ITGBL1: variants seen among roughly 807,000 people sequenced by gnomAD.
The protein encoded by ITGBL1 is integrin subunit beta like 1, also known as integrin beta-like protein 1.
A neutral mutation model predicts 68.5 loss-of-function variants in ITGBL1; 51 were observed. The observed-to-expected ratio is 0.74, with a 90% CI of 0.59 to 0.94. The LOEUF is 0.94. Ranked by LOEUF, ITGBL1 falls within the 40% of genes least tolerant of loss-of-function variation. ITGBL1 has a pLI of 0.00. For missense variants in ITGBL1, 649 were observed against 647.4 expected (o/e 1.00, Z -0.03); for synonymous variants, 209 against 227.3 (o/e 0.92, Z 0.72).
intron 8 of ITGBL1, among the ~76,000 whole-genome samples, chr13:101,694,263 G>A (rs1716159208): frequency 4.6e-5 from 7 of 151,968 alleles, no homozygotes; most frequent in Admixed American, 4.6e-4. Flanking sequence ...TACTCTTTTT[G>A]TTTGTTAAGG....
intron 2 of ITGBL1, among the ~76,000 whole-genome samples, chr13:101,516,130 T>C (rs1323458952): frequency 6.6e-6 from 1 of 152,136 alleles, no homozygotes; most frequent in South Asian, 2.1e-4. Flanking sequence ...AGAATAAAAA[T>C]GAGCTAATTT....
intron 4 of ITGBL1, among the ~76,000 whole-genome samples, chr13:101,576,021 C>T (rs1449439194): frequency 6.6e-6 from 1 of 152,154 alleles, no homozygotes; most frequent in South Asian, 2.1e-4. Context: ...TTTTCAATGA[C>T]CTTTTCTGTG....
chr13:101,568,013 T>A (rs953905124), intron 3 of ITGBL1, among the ~76,000 whole-genome samples, 168 bp downstream of exon 3: 3 of 151,922 alleles, frequency 2.0e-5, no homozygotes, highest in African/African-American at 7.3e-5. Flanking sequence ...GCCATCTTGC[T>A]GAGACTGGCA....
chr13:101,460,511 T>C (rs959664817), intron 2 of ITGBL1, among the ~76,000 whole-genome samples: 44 of 152,256 alleles, frequency 2.9e-4, no homozygotes, highest in Admixed American at 2.9e-3. Flanking sequence ...AATGTTTTCT[T>C]TCTGAAAGCA....
intron 7 of ITGBL1, among the ~76,000 whole-genome samples, chr13:101,673,980 A>G (rs1187853178): frequency 6.6e-6 from 1 of 152,210 alleles, no homozygotes; most frequent in Non-Finnish European, 1.5e-5. Context: ...TTAGTCAGCA[A>G]TGGTTTTAGA....
intron 7 of ITGBL1, among the ~76,000 whole-genome samples, chr13:101,649,567 A>G (rs148054689): frequency 5.6e-4 from 86 of 152,282 alleles, no homozygotes; most frequent in African/African-American, 1.4e-3. Context: ...ATGGAAATCT[A>G]TACTTGTTTA....
At chr13:101,505,147 A>G (rs1316488638) in intron 2 of ITGBL1, among the ~76,000 whole-genome samples, 1 of 152,220 alleles carries the variant, frequency 6.6e-6, no homozygotes, top group Non-Finnish European at 1.5e-5. Flanking sequence ...GTGCATTCAC[A>G]CAATGAAAAT....
intron 2 of ITGBL1, chr13:101,489,809 T>C (rs1352277091): frequency 1.7e-6 from 1 of 572,198 alleles, no homozygotes; most frequent in Non-Finnish European, 3.1e-6. Context: ...CAGAGGATGC[T>C]GCGATACTGA....
chr13:101,653,729 G>T (rs912218118), intron 7 of ITGBL1, among the ~76,000 whole-genome samples: 1 of 151,614 alleles, frequency 6.6e-6, no homozygotes, highest in South Asian at 2.1e-4. Context: ...TCACTCTGTC[G>T]CCAGGCTGGA....
chr13:101,578,706 G>T (rs1234731104), intron 4 of ITGBL1, among the ~76,000 whole-genome samples: 1 of 152,186 alleles, frequency 6.6e-6, no homozygotes, highest in Non-Finnish European at 1.5e-5. Flanking sequence ...GTGGCCAAGG[G>T]CCCATGGTAT....
In ITGBL1 at chr13:101,597,390, G is replaced by A. The variant is rs112334349; in HGVS notation, c.869-763G>A. Among the ~76,000 whole-genome samples, 1,298 of 133,670 alleles carry A rather than the reference G, an allele frequency of 9.7e-3. 20 individuals carry two copies. Among genetic ancestry groups the A allele is most frequent in the African/African-American group, 0.033 (1,182 of 35,600 alleles). The allele number at this position is 133,670 out of a possible 152,430, so 87.7% of individuals were successfully genotyped here. A position where few individuals can be genotyped will look rare whatever the true frequency, so the allele number is the denominator to read the frequency against. On this transcript the variant is annotated intron_variant, in intron 6 of 10. Transcript: ENST00000376180. The stretch of plus-strand genomic sequence containing the variant: ...TTGCATTAATTACTGAGAAAGGAGC[G>A]TTTATATATTAAAAAGTAGTCTAAA...
At chr13:101,483,488 G>T (rs2048656522) in intron 2 of ITGBL1, among the ~76,000 whole-genome samples, 1 of 152,168 alleles carries the variant, frequency 6.6e-6, no homozygotes, top group African/African-American at 2.4e-5. Flanking sequence ...GAAAAATTCA[G>T]AGATGCTCTA....
chr13:101,632,948 A>G (rs1188869779), intron 7 of ITGBL1, among the ~76,000 whole-genome samples: 1 of 152,190 alleles, frequency 6.6e-6, no homozygotes, highest in African/African-American at 2.4e-5. Context: ...CTTAATGTGC[A>G]TGGGGATCCG....
chr13:101,575,470 T>A lies in ITGBL1; in HGVS notation c.510T>A (p.Ser170Arg), dbSNP rs1199407794. The change falls in exon 4 of 11, where the codon AGT becomes AGA. Residue 170 changes from serine (S) to arginine (R), a missense_variant. Ser to Arg is a moderately radical substitution (Grantham distance 110, BLOSUM62 -1). Coordinates refer to ENST00000376180, the MANE Select transcript of ITGBL1 (RefSeq NM_004791.3). ...GTAAGTGTGATAATTCAGATGGAAG[T>A]GGACTTGTGTATGGTAAATTTTGTG... ...GRCKCDNSDG[S>R]GLVYGKFCEC... 6.2e-7 allele frequency: 1 copy of A among 1,612,958 alleles called. No homozygotes were observed. Among genetic ancestry groups the A allele is most frequent in the South Asian group, 1.1e-5 (1 of 91,062 alleles).
chr13:101,615,274 A>G (rs1266187681), intron 7 of ITGBL1, among the ~76,000 whole-genome samples: 1 of 151,970 alleles, frequency 6.6e-6, no homozygotes, highest in African/African-American at 2.4e-5. Context: ...TAAATCCAGG[A>G]TGATTCAGCT....
chr13:101,471,982 ATTTTAT>A (rs1004383205), intron 2 of ITGBL1, among the ~76,000 whole-genome samples: 4 of 148,250 alleles, frequency 2.7e-5, no homozygotes, highest in South Asian at 2.2e-4. Context: ...AAATAAATAC[ATTTTAT>A]TTTTATTTTA....
At chr13:101,597,869 C>T (rs1388297705) in intron 6 of ITGBL1, among the ~76,000 whole-genome samples, 1 of 152,032 alleles carries the variant, frequency 6.6e-6, no homozygotes, top group Non-Finnish European at 1.5e-5. Context: ...TCCTTTAAGG[C>T]CCCAGCAAAC....
chr13:101,544,027 TTGTC>T (rs1447038417), intron 2 of ITGBL1, among the ~76,000 whole-genome samples: 1 of 152,184 alleles, frequency 6.6e-6, no homozygotes, highest in Non-Finnish European at 1.5e-5. Flanking sequence ...AGTAGTTTGA[TTGTC>T]TGACGCCTTC....
At chr13:101,655,713 C>T (rs913583665) in intron 7 of ITGBL1, among the ~76,000 whole-genome samples, 3 of 152,198 alleles carry the variant, frequency 2.0e-5, no homozygotes, top group East Asian at 3.8e-4. Context: ...ATAGTCACAA[C>T]TCTGATGTGC....
Sources: allele counts gnomAD v4.1 joint callset (sites outside exome capture counted in the v4.1 genomes callset), GRCh38; gene constraint gnomAD v4.1.1; transcripts MANE v1.5; gene names NCBI Gene and HGNC (gene_info 2026-07-23, HGNC 2026-07-21).